The following PTPRG variants were observed in gnomAD, a reference collection of about 807,000 sequenced individuals.
PTPRG encodes protein tyrosine phosphatase receptor type G, also known as receptor-type tyrosine-protein phosphatase gamma.
A neutral mutation model predicts 165.3 loss-of-function variants in PTPRG; 102 were observed. That is an observed-to-expected ratio of 0.62 (90% CI 0.53 to 0.73). The LOEUF (loss-of-function observed/expected upper bound fraction) is 0.73. Among genes scored for constraint, PTPRG ranks in the 30% least tolerant of loss-of-function variants. The probability of loss-of-function intolerance (pLI) is 0.00; values close to 1 mark genes in which losing one functional copy is unlikely to be tolerated. For missense variants in PTPRG, 1,866 were observed against 1,861.4 expected, an observed-to-expected ratio of 1.00 and a Z score of -0.05; for synonymous variants, 675 against 669.5, an observed-to-expected ratio of 1.01 and a Z score of -0.13.
rs757628272 is a variant in PTPRG, at chr3:62,277,642, C to T, written c.3728C>T (p.Ala1243Val). 1 of 1,612,640 alleles carries T rather than the reference C, an allele frequency of 6.2e-7. No individual in the cohort carries two copies. Among genetic ancestry groups the T allele is most frequent in the African/African-American group, 1.3e-5 (1 of 74,800 alleles). The change falls in exon 26 of 30, where the codon GCA becomes GTA. Residue 1243 changes from alanine to valine, a missense_variant. Ala to Val is a moderately conservative substitution (Grantham distance 64). Transcript: ENST00000474889. ...TGGCGAATGATTTGGGATCATAACG[C>T]ACAGATCATTGTCATGCTGCCAGAC... ...DFWRMIWDHN[A>V]QIIVMLPDNQ...
chr3:62,008,778 C>T (rs1405499942), intron 4 of PTPRG, among the ~76,000 whole-genome samples: 1 of 152,166 alleles, frequency 6.6e-6, no homozygotes, highest in African/African-American at 2.4e-5. Flanking sequence ...AGATCCCTCG[C>T]ACGTGCAGTT....
chr3:62,292,660 G>A, intron 29 of PTPRG, 104 bp downstream of exon 29: 1 of 1,365,896 alleles, frequency 7.3e-7, no homozygotes, highest in African/African-American at 1.5e-5. Context: ...GCCCCCCAGG[G>A]GACATTTGGC....
At chr3:61,943,253 T>A (rs2039677998) in intron 2 of PTPRG, among the ~76,000 whole-genome samples, 1 of 152,196 alleles carries the variant, frequency 6.6e-6, no homozygotes, top group South Asian at 2.1e-4. Context: ...AATTTTGCCA[T>A]ATCAGTTGTT....
rs745595266 is a variant in PTPRG, at chr3:61,888,322, G to GTTTTT, written c.191-101299_191-101295dup. ...TATTTCTGTTCTAGGAAAATGGGTT[G>GTTTTT]TTTTTTTTGTTTGTTTGTTTGTTGT... On this transcript the variant is annotated intron_variant, in intron 2 of 29. Coordinates refer to ENST00000474889, the MANE Select transcript of PTPRG (RefSeq NM_002841.4). Among the ~76,000 whole-genome samples the GTTTTT allele has an allele frequency of 7.4e-3, 1,111 of 149,478 alleles. 11 individuals are homozygous for GTTTTT. The highest frequency in any genetic ancestry group is 0.025 in the African/African-American group (989 of 39,518).
At chr3:61,902,094 T>C (rs2038513551) in intron 2 of PTPRG, among the ~76,000 whole-genome samples, 2 of 152,194 alleles carry the variant, frequency 1.3e-5, no homozygotes, top group South Asian at 4.1e-4. Context: ...GAATTGTTGG[T>C]TATCACCCAG....
At chr3:61,958,912 T>C (rs546144229) in intron 2 of PTPRG, among the ~76,000 whole-genome samples, 2 of 152,264 alleles carry the variant, frequency 1.3e-5, no homozygotes, top group Admixed American at 1.3e-4. Context: ...TACAAGGATG[T>C]CTCTCACACT....
intron 1 of PTPRG, chr3:61,742,843 G>GCCTCGATGTCCC: frequency 6.3e-7 from 1 of 1,583,760 alleles, no homozygotes. Flanking sequence ...TTTTTTCAGC[G>GCCTCGATGTCCC]CCTCGATGTC....
At chr3:62,033,785 T>G (rs1439946829) in intron 4 of PTPRG, among the ~76,000 whole-genome samples, 1 of 152,132 alleles carries the variant, frequency 6.6e-6, no homozygotes, top group East Asian at 1.9e-4. Flanking sequence ...TCTTCTTTTT[T>G]GAGACGGAGT....
chr3:61,821,936 T>C (rs1300590476), intron 2 of PTPRG, among the ~76,000 whole-genome samples: 1 of 152,210 alleles, frequency 6.6e-6, no homozygotes, highest in Non-Finnish European at 1.5e-5. Flanking sequence ...CTCTGCCAAG[T>C]GCGTGCAGAA....
chr3:61,564,985 TA>T (rs1699872560), intron 1 of PTPRG, among the ~76,000 whole-genome samples: 1 of 152,218 alleles, frequency 6.6e-6, no homozygotes. Context: ...ACATGAGGGA[TA>T]AAAATGCTTC....
chr3:61,833,721 C>T (rs1485065272), intron 2 of PTPRG, among the ~76,000 whole-genome samples: 1 of 152,104 alleles, frequency 6.6e-6, no homozygotes, highest in Non-Finnish European at 1.5e-5. Flanking sequence ...CGCCACCACG[C>T]CTGGCTACTT....
At chr3:62,288,376 A>G (rs773038671) in intron 28 of PTPRG, among the ~76,000 whole-genome samples, 1 of 152,146 alleles carries the variant, frequency 6.6e-6, no homozygotes, top group Non-Finnish European at 1.5e-5. Flanking sequence ...TAGCTACATT[A>G]AAAACATTCA....
chr3:61,804,779 C>G (rs1414208907), intron 2 of PTPRG, among the ~76,000 whole-genome samples: 2 of 152,134 alleles, frequency 1.3e-5, no homozygotes, highest in Non-Finnish European at 2.9e-5. Flanking sequence ...TCTTTGTGCC[C>G]CCGGTCCCCC....
intron 1 of PTPRG, among the ~76,000 whole-genome samples, chr3:61,726,469 T>G (rs938302008): frequency 6.6e-6 from 1 of 152,174 alleles, no homozygotes; most frequent in Non-Finnish European, 1.5e-5. Context: ...AATGGAAATA[T>G]ACTGCCATTA....
intron 8 of PTPRG, among the ~76,000 whole-genome samples, chr3:62,187,581 G>T (rs2106794162): frequency 6.6e-6 from 1 of 152,334 alleles, no homozygotes; most frequent in Middle Eastern, 3.4e-3. Flanking sequence ...TGCTTCAAAG[G>T]TGGAATCAGT....
At position 62,295,581 on chromosome 3, in the gene PTPRG, G is replaced by A. The variant is rs1014390753; in HGVS notation, c.*2274G>A. ...AATTCTGTGGCTGTCCCTTACAGTG[G>A]TTTCAGAATCACGAAAAAACAGCTA... On this transcript the variant is annotated 3_prime_UTR_variant, in exon 30 of 30. Coordinates refer to ENST00000474889, the MANE Select transcript of PTPRG (RefSeq NM_002841.4). The A allele has an allele frequency of 6.6e-6, 1 of 152,038 alleles. No homozygotes were observed. 9.4% of individuals were successfully genotyped at this position (152,038 alleles called of 1,614,324 possible). A position where few individuals can be genotyped will look rare whatever the true frequency, so the allele number is the denominator to read the frequency against.
chr3:61,733,702 A>C (rs1387367562), intron 1 of PTPRG, among the ~76,000 whole-genome samples: 3 of 152,214 alleles, frequency 2.0e-5, no homozygotes, highest in African/African-American at 7.2e-5. Context: ...CCCAAAACAT[A>C]AATTAAAAAT....
intron 2 of PTPRG, among the ~76,000 whole-genome samples, chr3:61,884,446 A>G (rs755859646): frequency 6.6e-6 from 1 of 152,372 alleles, no homozygotes; most frequent in East Asian, 1.9e-4. Flanking sequence ...AAATGATTAG[A>G]AATTGTGTCA....
intron 2 of PTPRG, among the ~76,000 whole-genome samples, chr3:61,815,531 G>T (rs1426416269): frequency 6.6e-6 from 1 of 152,202 alleles, no homozygotes; most frequent in African/African-American, 2.4e-5. Context: ...CCATGTCTCA[G>T]TGTCATCTCT....
Sources: gnomAD v4.1 joint callset for allele counts (sites outside exome capture counted in the v4.1 genomes callset) on GRCh38, gnomAD v4.1.1 for gene constraint, MANE v1.5 for transcripts, NCBI Gene and HGNC (gene_info 2026-07-23, HGNC 2026-07-21) for gene names.